Variants in TCF20 observed in about 807,000 individuals in gnomAD.
TCF20 encodes the protein SPRE-binding protein.
Under a neutral mutation model 148.6 loss-of-function variants are expected in TCF20, and 3 were observed. The observed-to-expected ratio is 0.02, with a 90% confidence interval of 0.01 to 0.05. TCF20 has a LOEUF of 0.05. Ranked by LOEUF, TCF20 falls within the 10% of genes least tolerant of loss-of-function variation. The pLI is 1.00. For missense variants in TCF20, 2,350 were observed against 2,429.3 expected (o/e 0.97, Z 0.69); for synonymous variants, 1,049 against 909.5 (o/e 1.15, Z -2.76).
intron 1 of TCF20, among the ~76,000 whole-genome samples, chr22:42,247,847 C>T (rs954337136): frequency 3.3e-5 from 5 of 152,048 alleles, no homozygotes; most frequent in African/African-American, 9.7e-5. Flanking sequence ...CTGGTTCCTC[C>T]GCATCTCTTC....
intron 1 of TCF20, among the ~76,000 whole-genome samples, chr22:42,310,305 T>C (rs948488713): frequency 3.3e-5 from 5 of 152,162 alleles, no homozygotes; most frequent in Admixed American, 3.3e-4. Flanking sequence ...GGGCCTACTA[T>C]GTGCCAGGTC....
rs1231731750 is a variant in TCF20 at position 42,330,287 on chromosome 22, CA to C, written c.-37+13191del. ...ACAAAGGGTCAATGAGAGGGCATCACAGTGAACTTGCTGAGCACAGGGCAGG... is the reference window on the plus strand; with the variant it reads ...ACAAAGGGTCAATGAGAGGGCATCACGTGAACTTGCTGAGCACAGGGCAGG... On this transcript the variant is annotated intron_variant, in intron 1 of 1. Coordinates refer to the TCF20 transcript ENST00000515426. Among the ~76,000 whole-genome samples, 10 of 152,226 alleles carry C rather than the reference CA, an allele frequency of 6.6e-5. No individual in the cohort carries two copies. In the South Asian group the frequency reaches 1.9e-3, roughly 28 times the overall value.
intron 1 of TCF20, among the ~76,000 whole-genome samples, chr22:42,331,266 G>C (rs1336692557): frequency 6.6e-6 from 1 of 152,144 alleles, no homozygotes; most frequent in African/African-American, 2.4e-5. Flanking sequence ...GAGCCACCGG[G>C]TGCTGCACAG....
chr22:42,270,194 G>A (rs1309883376), intron 1 of TCF20, among the ~76,000 whole-genome samples, 145 bp downstream of exon 1: 1 of 151,770 alleles, frequency 6.6e-6, no homozygotes, highest in East Asian at 1.9e-4. Context: ...CCCAAGCCCT[G>A]ACTCGGAGTC....
At chr22:42,161,911 C>T (rs1173381174) in intron 5 of TCF20, among the ~76,000 whole-genome samples, 1 of 151,884 alleles carries the variant, frequency 6.6e-6, no homozygotes, top group Non-Finnish European at 1.5e-5. Context: ...AATCCTCCCA[C>T]CTCAGCCTTC....
intron 1 of TCF20, among the ~76,000 whole-genome samples, chr22:42,282,666 G>C (rs1346144616): frequency 6.6e-6 from 1 of 152,222 alleles, no homozygotes; most frequent in African/African-American, 2.4e-5. Flanking sequence ...ATGATGGAAC[G>C]GTGACCCTGG....
At position 42,204,713 on chromosome 22, in the gene TCF20, T is replaced by G. The variant is rs1016717633; in HGVS notation, c.5655+4938A>C. Among the ~76,000 whole-genome samples, 3 of 151,614 alleles carry G rather than the reference T, an allele frequency of 2.0e-5. No homozygotes were observed. In the East Asian group the frequency reaches 5.8e-4, roughly 29 times the overall value. On this transcript the variant is annotated intron_variant, in intron 2 of 5. Transcript: ENST00000677622. ...TACAAAAATTAGCCAGGTGTGGTGG[T>G]GCATGACTGCAGTCCCAGTTACTTG... is the stretch of plus-strand genomic sequence containing the variant.
At chr22:42,175,024 G>A (rs1303333175) in intron 3 of TCF20, among the ~76,000 whole-genome samples, 1 of 150,632 alleles carries the variant, frequency 6.6e-6, no homozygotes, top group Non-Finnish European at 1.5e-5. Flanking sequence ...AACACAGCGA[G>A]ACTCTGTCTC....
chr22:42,211,373 GAT>G lies in TCF20; in HGVS notation c.3931_3932del (p.Ile1311ProfsTer2). ...GGTCCTTGGAGGAATCTCTCTTAGG[GAT>G]AGACTTGATATCCTGACTGTGAGAA... ...HLSHSQDIKS[I>X]PKRDSSKDLP... On this transcript the variant is annotated frameshift_variant, in exon 2 of 6. Transcript: ENST00000677622. LOFTEE classifies it high-confidence loss of function. The G allele has an allele frequency of 1.2e-6, 2 of 1,614,176 alleles. No homozygotes were observed. Among genetic ancestry groups the G allele is most frequent in the South Asian group, 2.2e-5 (2 of 91,078 alleles).
At chr22:42,195,508 T>C (rs1037391990) in intron 2 of TCF20, among the ~76,000 whole-genome samples, 4 of 151,664 alleles carry the variant, frequency 2.6e-5, no homozygotes, top group Admixed American at 2.0e-4. Context: ...TACTTTTTTT[T>C]TTTTTTTTTG....
chr22:42,209,463 A>C (rs1920923455), intron 2 of TCF20, among the ~76,000 whole-genome samples, 188 bp downstream of exon 2: 1 of 152,252 alleles, frequency 6.6e-6, no homozygotes, highest in Non-Finnish European at 1.5e-5. Context: ...ACATTTCAAA[A>C]AATGAAAAAC....
intron 1 of TCF20, among the ~76,000 whole-genome samples, chr22:42,314,322 C>T (rs1927590799): frequency 6.6e-6 from 1 of 152,274 alleles, no homozygotes; most frequent in Non-Finnish European, 1.5e-5. Flanking sequence ...GGGGGCTTGA[C>T]ACGGACCAGC....
chr22:42,187,823 G>T (rs997283830), intron 2 of TCF20, among the ~76,000 whole-genome samples: 1 of 152,156 alleles, frequency 6.6e-6, no homozygotes, highest in Non-Finnish European at 1.5e-5. Context: ...ACAATCTTGA[G>T]CAGATAAAGA....
At chr22:42,204,652 C>T (rs548375805) in intron 2 of TCF20, among the ~76,000 whole-genome samples, 3 of 152,028 alleles carry the variant, frequency 2.0e-5, no homozygotes, top group Non-Finnish European at 4.4e-5. Context: ...TGAGATCAGC[C>T]TGGCCAACAT....
At chr22:42,181,734 G>C (rs979479597) in intron 2 of TCF20, among the ~76,000 whole-genome samples, 3 of 151,200 alleles carry the variant, frequency 2.0e-5, no homozygotes, top group South Asian at 2.1e-4. Flanking sequence ...TCAGCCTCCC[G>C]AGTAGCTGAG....
intron 1 of TCF20, among the ~76,000 whole-genome samples, chr22:42,298,001 T>G (rs1927265909): frequency 6.6e-6 from 1 of 152,164 alleles, no homozygotes; most frequent in South Asian, 2.1e-4. Flanking sequence ...TGGTGGGGCT[T>G]TTCAGCATCT....
At chr22:42,206,839 GT>G (rs1339919618) in intron 2 of TCF20, among the ~76,000 whole-genome samples, 1 of 152,112 alleles carries the variant, frequency 6.6e-6, no homozygotes, top group Non-Finnish European at 1.5e-5. Context: ...TTGCCAGAAG[GT>G]TATAAATAAT....
At chr22:42,254,074 T>A (rs1925583409) in intron 1 of TCF20, among the ~76,000 whole-genome samples, 1 of 133,312 alleles carries the variant, frequency 7.5e-6, no homozygotes, top group Non-Finnish European at 1.6e-5. Context: ...AAAACTCCCT[T>A]TCAAAAAAAA....
chr22:42,320,579 T>A (rs1295780344), intron 1 of TCF20, among the ~76,000 whole-genome samples: 1 of 152,152 alleles, frequency 6.6e-6, no homozygotes, highest in Non-Finnish European at 1.5e-5. Flanking sequence ...TAGCACTTCA[T>A]CTCCAGGAGA....
Sources: allele counts gnomAD v4.1 joint callset (sites outside exome capture counted in the v4.1 genomes callset), GRCh38; gene constraint gnomAD v4.1.1; transcripts MANE v1.5; gene names NCBI Gene and HGNC (gene_info 2026-07-23, HGNC 2026-07-21).